Variants in MOXD1 observed in about 807,000 individuals in gnomAD.
MOXD1 encodes DBH-like monooxygenase protein 1.
A neutral mutation model predicts 66.6 loss-of-function variants in MOXD1; 62 were observed. The ratio of observed to expected loss-of-function variants is 0.93; its 90% CI spans 0.76 to 1.15. The LOEUF is 1.15. Ranked by LOEUF, MOXD1 falls within the 50% of genes most tolerant of loss-of-function variation. The probability of loss-of-function intolerance (pLI) is 0.00; values close to 1 mark genes in which losing one functional copy is unlikely to be tolerated. For missense variants in MOXD1, 847 were observed against 754.6 expected (o/e 1.12, Z -1.44); for synonymous variants, 303 against 281.9 (o/e 1.07, Z -0.75).
Position 132,401,433 on chromosome 6 carries a change from G to A in MOXD1, c.-7C>T, listed in dbSNP as rs779710119. The A allele has an allele frequency of 2.7e-6, 4 of 1,466,384 alleles. No homozygotes were observed. The highest frequency in any genetic ancestry group is 3.6e-6 in the Non-Finnish European group (4 of 1,114,426). 90.8% of individuals were successfully genotyped at this position (1,466,384 alleles called of 1,614,324 possible). A position where few individuals can be genotyped will look rare whatever the true frequency, so the allele number is the denominator to read the frequency against. On this transcript the variant is annotated 5_prime_UTR_variant, in exon 1 of 12. Transcript: ENST00000367963. The stretch of plus-strand genomic sequence containing the variant: ...GCAGCGGCCAGCAGCACATCCTCGG[G>A]CGCCTCCTGCCCGCCGGTACCGGCC...
intron 1 of MOXD1, among the ~76,000 whole-genome samples, chr6:132,375,614 G>A (rs776926354): frequency 1.2e-4 from 19 of 152,082 alleles, no homozygotes; most frequent in Non-Finnish European, 2.2e-4. Flanking sequence ...TAGAGATGGG[G>A]TTTCACCATG....
At chr6:132,353,269 T>G (rs191636660) in intron 4 of MOXD1, among the ~76,000 whole-genome samples, 2 of 152,362 alleles carry the variant, frequency 1.3e-5, no homozygotes, top group African/African-American at 4.8e-5. Flanking sequence ...ATGTGATTTA[T>G]GCTTTCAAGA....
At chr6:132,324,178 T>C in intron 6 of MOXD1, 81 bp from the exon 7 acceptor site, 1 of 1,410,530 alleles carries the variant, frequency 7.1e-7, no homozygotes, top group Non-Finnish European at 9.8e-7. Flanking sequence ...GTTTGAATTT[T>C]TTAAAGTTTT....
intron 2 of MOXD1, 112 bp downstream of exon 2, chr6:132,374,519 T>C: frequency 9.4e-7 from 1 of 1,063,764 alleles, no homozygotes; most frequent in Non-Finnish European, 1.2e-6. Context: ...AAAAAAGATT[T>C]CAAAAATATT....
At chr6:132,348,063 C>T (rs533690495) in intron 4 of MOXD1, among the ~76,000 whole-genome samples, 171 of 152,196 alleles carry the variant, frequency 1.1e-3, no homozygotes, top group African/African-American at 3.5e-3. Flanking sequence ...TAGATACCCC[C>T]GACTCCAGGA....
chr6:132,327,570 T>A (rs984243607), intron 6 of MOXD1, among the ~76,000 whole-genome samples: 18 of 152,228 alleles, frequency 1.2e-4, no homozygotes, highest in African/African-American at 3.9e-4. Flanking sequence ...TGTCACTGCA[T>A]AAGTACTTTT....
At position 132,401,282 on chromosome 6, in the gene MOXD1, C is replaced by G. The variant is rs751579535; in HGVS notation, c.145G>C (p.Ala49Pro). 1 of 1,598,204 alleles carries G rather than the reference C, an allele frequency of 6.3e-7. No individual in the cohort carries two copies. The highest frequency in any genetic ancestry group is 8.5e-7 in the Non-Finnish European group (1 of 1,177,550). ...GCAGTGCGCACCTGGAGGCGGAAGG[C>G]GATCTGGCTGCCCCGCTGGCTCCAG... ...LGWSQRGSQI[A>P]FRLQVRTAGY... Residue 49 changes from alanine (A) to proline (P), a missense_variant, in exon 1 of 12, where the codon GCC (alanine) becomes CCC (proline). Coordinates refer to ENST00000367963, the MANE Select transcript of MOXD1 (RefSeq NM_015529.4).
intron 4 of MOXD1, among the ~76,000 whole-genome samples, chr6:132,337,311 C>T (rs1775460793): frequency 6.6e-6 from 1 of 152,218 alleles, no homozygotes; most frequent in African/African-American, 2.4e-5. Flanking sequence ...TGCAATCATG[C>T]ATGTGCTACC....
Position 132,320,663 on chromosome 6 carries a change from C to A in MOXD1, c.1331G>T (p.Arg444Leu). Residue 444 changes from arginine (R) to leucine (L), a missense_variant, in exon 9 of 12, where the codon CGC (arginine) becomes CTC (leucine). Arg to Leu is a moderately radical substitution (Grantham distance 102). Transcript: ENST00000367963. ...CTCAGCTCTATCTTTCGTGTTGTAGCGACACTCAGTAATTAGGTTATCTCC... is the reference window on the plus strand; with the variant it reads ...CTCAGCTCTATCTTTCGTGTTGTAGAGACACTCAGTAATTAGGTTATCTCC... ...LPGDNLITEC[R>L]YNTKDRAEMT... The A allele has an allele frequency of 1.2e-6, 2 of 1,610,276 alleles. No individual in the cohort carries two copies. Among genetic ancestry groups the A allele is most frequent in the Non-Finnish European group, 1.7e-6 (2 of 1,178,118 alleles).
At position 132,364,961 on chromosome 6, in the gene MOXD1, G is replaced by A. The variant is rs112926950; in HGVS notation, c.663+7647C>T. Among the ~76,000 whole-genome samples, 17 of 152,080 alleles carry A rather than the reference G, an allele frequency of 1.1e-4. No homozygotes were observed. The East Asian group carries it at 1.2e-3, about 10-fold the overall frequency. ...CCATGGTACAACCACTAGATAATAC[G>A]GATATTATAAAGATTTGTGGTTTCA... On this transcript the variant is annotated intron_variant, in intron 4 of 11. Transcript: ENST00000367963.
chr6:132,381,279 G>A (rs1776502512), intron 1 of MOXD1, among the ~76,000 whole-genome samples: 2 of 152,170 alleles, frequency 1.3e-5, no homozygotes, highest in Non-Finnish European at 2.9e-5. Context: ...TATAGAAATA[G>A]TTTAACTTAA....
At chr6:132,332,423 T>C (rs1238865137) in intron 4 of MOXD1, among the ~76,000 whole-genome samples, 1 of 151,948 alleles carries the variant, frequency 6.6e-6, no homozygotes, top group Non-Finnish European at 1.5e-5. Flanking sequence ...GGAAATGACA[T>C]GTAAGGATAA....
intron 4 of MOXD1, among the ~76,000 whole-genome samples, chr6:132,363,701 A>C (rs1336347470): frequency 6.6e-6 from 1 of 152,140 alleles, no homozygotes; most frequent in Non-Finnish European, 1.5e-5. Flanking sequence ...GTGGTTATTC[A>C]ACTTACTTTG....
At chr6:132,361,928 A>G (rs1211556060) in intron 4 of MOXD1, among the ~76,000 whole-genome samples, 1 of 152,172 alleles carries the variant, frequency 6.6e-6, no homozygotes, top group Non-Finnish European at 1.5e-5. Flanking sequence ...ATAACTCAGT[A>G]AAGGTGTGAA....
intron 4 of MOXD1, among the ~76,000 whole-genome samples, chr6:132,331,279 C>G (rs1289742078): frequency 6.6e-6 from 1 of 152,152 alleles, no homozygotes; most frequent in Non-Finnish European, 1.5e-5. Context: ...CTCATAAATT[C>G]AGGCAGAACC....
intron 8 of MOXD1, among the ~76,000 whole-genome samples, chr6:132,321,017 A>G (rs1374831846): frequency 6.6e-6 from 1 of 152,204 alleles, no homozygotes; most frequent in Non-Finnish European, 1.5e-5. Flanking sequence ...CTGTAATCCC[A>G]GCACTTTGGG....
chr6:132,335,542 A>T (rs1775418754), intron 4 of MOXD1, among the ~76,000 whole-genome samples: 1 of 152,140 alleles, frequency 6.6e-6, no homozygotes. Context: ...GATTGGAGTG[A>T]TGCTGCCACA....
intron 1 of MOXD1, among the ~76,000 whole-genome samples, chr6:132,397,017 A>T (rs1166709718): frequency 1.3e-5 from 2 of 152,166 alleles, no homozygotes; most frequent in Non-Finnish European, 2.9e-5. Context: ...ACAGTGAAAG[A>T]CTAAGTCATA....
At chr6:132,309,076 A>G (rs948521853) in intron 10 of MOXD1, among the ~76,000 whole-genome samples, 3 of 152,190 alleles carry the variant, frequency 2.0e-5, no homozygotes, top group Non-Finnish European at 4.4e-5. Flanking sequence ...GAGGAAGTCA[A>G]ATTATCTCTG....
Sources: allele counts gnomAD v4.1 joint callset (sites outside exome capture counted in the v4.1 genomes callset), GRCh38; gene constraint gnomAD v4.1.1; transcripts MANE v1.5; gene names NCBI Gene and HGNC (gene_info 2026-07-23, HGNC 2026-07-21).